The following PRUNE2 variants were observed in gnomAD, a reference collection of about 807,000 sequenced individuals.
PRUNE2 encodes protein prune homolog 2.
A neutral mutation model predicts 252.0 loss-of-function variants in PRUNE2; 164 were observed. The ratio of observed to expected loss-of-function variants is 0.65; its 90% confidence interval spans 0.57 to 0.74. The LOEUF (loss-of-function observed/expected upper bound fraction) is 0.74. Among genes scored for constraint, PRUNE2 ranks in the 30% least tolerant of loss-of-function variants. The probability of loss-of-function intolerance (pLI) is 0.00; values close to 1 mark genes in which losing one functional copy is unlikely to be tolerated. For missense variants in PRUNE2, 3,495 were observed against 3,711.0 expected (o/e 0.94, Z 1.51); for synonymous variants, 1,292 against 1,350.2 (o/e 0.96, Z 0.94).
At chr9:76,885,387 G>C (rs79902388) in intron 1 of PRUNE2, among the ~76,000 whole-genome samples, 1 of 152,124 alleles carries the variant, frequency 6.6e-6, no homozygotes, top group African/African-American at 2.4e-5. Flanking sequence ...ATGAGACAAG[G>C]TGAATTTGAG....
intron 6 of PRUNE2, chr9:76,788,580 T>C (rs759418888): frequency 2.5e-5 from 18 of 707,860 alleles, no homozygotes; most frequent in Non-Finnish European, 2.6e-6. Context: ...GTGGCAAGTA[T>C]TGAATAAATG....
intron 6 of PRUNE2, among the ~76,000 whole-genome samples, chr9:76,801,237 C>T (rs180893014): frequency 1.3e-5 from 2 of 152,286 alleles, no homozygotes; most frequent in East Asian, 3.9e-4. Flanking sequence ...TCACTGCATG[C>T]AATTTAAAAA....
At chr9:76,895,344 T>C (rs546761637) in intron 1 of PRUNE2, among the ~76,000 whole-genome samples, 12 of 152,258 alleles carry the variant, frequency 7.9e-5, no homozygotes, top group South Asian at 4.2e-4. Flanking sequence ...TGCTGAGGCC[T>C]ATTTATGCCT....
At chr9:76,675,676 CAAT>C (rs2042404979) in intron 9 of PRUNE2, among the ~76,000 whole-genome samples, 1 of 119,204 alleles carries the variant, frequency 8.4e-6, no homozygotes, top group South Asian at 3.2e-4. Flanking sequence ...AAATGTCCAA[CAAT>C]GATAGACTGG....
chr9:76,853,555 A>T (rs1006566756), intron 2 of PRUNE2, among the ~76,000 whole-genome samples: 6 of 152,202 alleles, frequency 3.9e-5, no homozygotes, highest in Non-Finnish European at 8.8e-5. Flanking sequence ...AAGGGAGATG[A>T]TCACTAACTA....
chr9:76,889,617 G>A (rs1158985433), intron 1 of PRUNE2, among the ~76,000 whole-genome samples: 1 of 152,100 alleles, frequency 6.6e-6, no homozygotes, highest in Non-Finnish European at 1.5e-5. Context: ...ACCTCGTCTG[G>A]CCAAAAAGAT....
chr9:76,711,483 GAAGATCTCAA>G (rs2046726663), intron 7 of PRUNE2, 125 bp from the exon 8 acceptor site: 1 of 658,788 alleles, frequency 1.5e-6, no homozygotes, highest in South Asian at 2.2e-5. Flanking sequence ...GTCTGAAAAA[GAAGATCTCAA>G]ACTTAGAAAG....
chr9:76,693,844 T>A (rs75257321), intron 9 of PRUNE2, among the ~76,000 whole-genome samples: 1,767 of 152,280 alleles, frequency 0.012, 31 homozygotes, highest in East Asian at 0.081. Flanking sequence ...TAATTATGAA[T>A]AGTCATGAAA....
intron 6 of PRUNE2, among the ~76,000 whole-genome samples, chr9:76,820,755 G>C (rs2057991879): frequency 6.6e-6 from 1 of 152,126 alleles, no homozygotes; most frequent in African/African-American, 2.4e-5. Flanking sequence ...TCATCTGCTT[G>C]ATGTTATCCT....
At chr9:76,811,695 T>C (rs2057367224) in intron 6 of PRUNE2, among the ~76,000 whole-genome samples, 1 of 152,202 alleles carries the variant, frequency 6.6e-6, no homozygotes, top group Non-Finnish European at 1.5e-5. Context: ...CAGTGATGCA[T>C]AAATTTATTC....
At position 76,665,072 on chromosome 9, in the gene PRUNE2, C is replaced by A. The variant is rs570281908; in HGVS notation, c.8277-9570G>T. ...ACATCACCACCTTTCTGTTTACGAT[C>A]GTCATCCCTACCTCCTCCAAATTAT... On this transcript the variant is annotated intron_variant, in intron 9 of 18. Transcript: ENST00000376718. Among the ~76,000 whole-genome samples, 10 of 152,186 alleles carry A rather than the reference C, an allele frequency of 6.6e-5. No individual in the cohort carries two copies. In the East Asian group the frequency reaches 1.7e-3, roughly 27 times the overall value.
In PRUNE2 at chr9:76,681,180, AAAAAC is replaced by A. The variant is rs548087170; in HGVS notation, c.8276+22152_8276+22156del. Among the ~76,000 whole-genome samples the A allele has an allele frequency of 3.7e-3, 570 of 152,306 alleles. 5 individuals carry two copies. The highest frequency in any genetic ancestry group is 0.013 in the African/African-American group (549 of 41,554). Reference sequence around the variant, plus strand: ...AGTCACATAAGCGAGTCACACATGAAAAAACAAAACAAAAAACCATTACTGTATGA... The same window carrying A: ...AGTCACATAAGCGAGTCACACATGAAAAAACAAAAAACCATTACTGTATGA... On this transcript the variant is annotated intron_variant, in intron 9 of 18. Coordinates refer to ENST00000376718, the MANE Select transcript of PRUNE2 (RefSeq NM_015225.3).
intron 6 of PRUNE2, among the ~76,000 whole-genome samples, chr9:76,761,591 T>G (rs2051737085): frequency 6.6e-6 from 1 of 152,238 alleles, no homozygotes; most frequent in Admixed American, 6.5e-5. Flanking sequence ...TCTCTTTTGC[T>G]GGGAGTTTTT....
intron 1 of PRUNE2, among the ~76,000 whole-genome samples, chr9:76,894,129 T>A (rs575381003): frequency 6.6e-6 from 1 of 152,076 alleles, no homozygotes; most frequent in African/African-American, 2.4e-5. Context: ...TGGTAAACAC[T>A]CAAAAGATAA....
intron 6 of PRUNE2, among the ~76,000 whole-genome samples, chr9:76,792,296 TA>T (rs1406144896): frequency 3.9e-5 from 6 of 152,202 alleles, no homozygotes; most frequent in African/African-American, 7.2e-5. Context: ...AAGATGTGAC[TA>T]TGCTCCTCCT....
chr9:76,621,687 T>C (rs1285124021), intron 17 of PRUNE2, among the ~76,000 whole-genome samples: 1 of 152,000 alleles, frequency 6.6e-6, no homozygotes, highest in African/African-American at 2.4e-5. Flanking sequence ...ATGCAGACTT[T>C]TTTTTTTCTT....
intron 9 of PRUNE2, among the ~76,000 whole-genome samples, chr9:76,697,063 T>C (rs1405989628): frequency 1.3e-5 from 2 of 152,342 alleles, no homozygotes; most frequent in South Asian, 4.1e-4. Flanking sequence ...GCCCCTGATA[T>C]GCGAATATAC....
chr9:76,731,321 TA>T (rs1564172095), intron 6 of PRUNE2, among the ~76,000 whole-genome samples: 28 of 101,942 alleles, frequency 2.7e-4, no homozygotes, highest in African/African-American at 1.0e-3. Context: ...TATATATATA[TA>T]TATTTTTTTT....
intron 1 of PRUNE2, among the ~76,000 whole-genome samples, chr9:76,899,727 T>C (rs1389739682): frequency 6.6e-6 from 1 of 152,144 alleles, no homozygotes; most frequent in Non-Finnish European, 1.5e-5. Context: ...AATAGAGATA[T>C]AATGACAAGC....
Sources: allele counts gnomAD v4.1 joint callset (sites outside exome capture counted in the v4.1 genomes callset), GRCh38; gene constraint gnomAD v4.1.1; transcripts MANE v1.5; gene names NCBI Gene and HGNC (gene_info 2026-07-23, HGNC 2026-07-21).